AGBL4: variants seen among roughly 807,000 people sequenced by gnomAD.
AGBL4 encodes AGBL carboxypeptidase 4, also known as cytosolic carboxypeptidase 6.
A neutral mutation model predicts 66.4 loss-of-function variants in AGBL4; 58 were observed. That is an observed-to-expected ratio of 0.87 (90% CI 0.71 to 1.09). AGBL4 has a LOEUF of 1.09. Ranked by LOEUF, AGBL4 falls within the 50% of genes least tolerant of loss-of-function variation. The pLI is 0.00. For synonymous variants in AGBL4, 234 were observed against 222.9 expected (o/e 1.05, Z -0.44); for missense variants, 579 against 631.0 (o/e 0.92, Z 0.88).
At chr1:49,823,023 A>G (rs144500929) in intron 2 of AGBL4, among the ~76,000 whole-genome samples, 210 of 152,350 alleles carry the variant, frequency 1.4e-3, no homozygotes, top group Middle Eastern at 6.8e-3. Context: ...GATACAGATG[A>G]TGATGACAGA....
intron 1 of AGBL4, among the ~76,000 whole-genome samples, chr1:49,939,601 G>C (rs527580680): frequency 1.8e-4 from 28 of 152,220 alleles, no homozygotes; most frequent in South Asian, 4.1e-4. Context: ...AAGCAATGGG[G>C]AAAGGATTCC....
chr1:49,646,680 T>C (rs886681642), intron 3 of AGBL4, among the ~76,000 whole-genome samples: 32 of 152,030 alleles, frequency 2.1e-4, no homozygotes, highest in Admixed American at 6.6e-4. Context: ...TATGAGCTGA[T>C]TATAAAATTC....
intron 4 of AGBL4, among the ~76,000 whole-genome samples, chr1:49,051,567 C>T (rs1257422563): frequency 6.6e-6 from 1 of 152,190 alleles, no homozygotes; most frequent in African/African-American, 2.4e-5. Flanking sequence ...TATGCCAACA[C>T]ATGGCCTTTA....
At chr1:48,771,615 CTAAAT>C (rs965117480) in intron 6 of AGBL4, among the ~76,000 whole-genome samples, 6 of 152,160 alleles carry the variant, frequency 3.9e-5, no homozygotes, top group African/African-American at 1.4e-4. Context: ...ATGTCAAAAC[CTAAAT>C]TAAAAGTTTT....
At chr1:48,991,745 T>C (rs1435382450) in intron 5 of AGBL4, among the ~76,000 whole-genome samples, 1 of 152,104 alleles carries the variant, frequency 6.6e-6, no homozygotes, top group African/African-American at 2.4e-5. Context: ...TTCTTTCTTC[T>C]GCTTGATCAA....
chr1:49,142,923 A>G (rs1189053202), intron 4 of AGBL4, among the ~76,000 whole-genome samples: 2 of 152,300 alleles, frequency 1.3e-5, no homozygotes. Flanking sequence ...ACTTGGAGAT[A>G]TTCCAATACT....
At chr1:48,872,993 G>T (rs1648838011) in intron 5 of AGBL4, among the ~76,000 whole-genome samples, 1 of 152,184 alleles carries the variant, frequency 6.6e-6, no homozygotes, top group African/African-American at 2.4e-5. Context: ...GAGCCTTTGG[G>T]CTTCTCACTA....
At chr1:49,533,752 T>C (rs564718785) in intron 3 of AGBL4, among the ~76,000 whole-genome samples, 1 of 152,140 alleles carries the variant, frequency 6.6e-6, no homozygotes, top group Non-Finnish European at 1.5e-5. Flanking sequence ...GAGCCCATAT[T>C]TGCCCGCTTC....
chr1:48,950,822 T>C (rs1464494934), intron 5 of AGBL4, among the ~76,000 whole-genome samples: 2 of 152,158 alleles, frequency 1.3e-5, no homozygotes, highest in Non-Finnish European at 2.9e-5. Context: ...GCTTTTATAT[T>C]GCTTTTTCCC....
chr1:48,762,614 TTGTGTGTG>T (rs58396843), intron 6 of AGBL4, among the ~76,000 whole-genome samples: 93 of 75,182 alleles, frequency 1.2e-3, no homozygotes, highest in East Asian at 3.8e-3. Context: ...TTTAAGGGTT[TTGTGTGTG>T]TGTGTGTGTG....
chr1:48,712,555 T>G (rs949253817), intron 6 of AGBL4, among the ~76,000 whole-genome samples: 1 of 152,052 alleles, frequency 6.6e-6, no homozygotes, highest in African/African-American at 2.4e-5. Flanking sequence ...TTCTGTGTGC[T>G]TTATATATAT....
chr1:49,697,480 A>T, intron 2 of AGBL4, 43 bp from the exon 3 acceptor site: 1 of 1,412,920 alleles, frequency 7.1e-7, no homozygotes, highest in Non-Finnish European at 9.7e-7. Flanking sequence ...ATAGAAGTTC[A>T]TGCAGCTCAA....
At chr1:49,194,841 GTTT>G (rs200420257) in intron 4 of AGBL4, among the ~76,000 whole-genome samples, 1 of 139,782 alleles carries the variant, frequency 7.2e-6, no homozygotes, top group Non-Finnish European at 1.6e-5. Context: ...TCATTGATCT[GTTT>G]TTTTTTTTTT....
intron 3 of AGBL4, among the ~76,000 whole-genome samples, chr1:49,282,847 C>T (rs1486740187): frequency 1.3e-5 from 2 of 152,200 alleles, no homozygotes; most frequent in African/African-American, 2.4e-5. Context: ...AGATTATATC[C>T]CGCACCTGGC....
intron 6 of AGBL4, among the ~76,000 whole-genome samples, chr1:48,781,163 C>T (rs1264211715): frequency 2.0e-5 from 3 of 152,104 alleles, no homozygotes; most frequent in Non-Finnish European, 2.9e-5. Context: ...TTCCATTTTC[C>T]GATAACCCAG....
intron 3 of AGBL4, among the ~76,000 whole-genome samples, chr1:49,382,899 GA>G (rs1644653326): frequency 6.6e-6 from 1 of 152,146 alleles, no homozygotes; most frequent in Non-Finnish European, 1.5e-5. Context: ...CAGCTACTTG[GA>G]AGGCTGATGT....
intron 3 of AGBL4, among the ~76,000 whole-genome samples, chr1:49,655,653 C>A (rs1646111151): frequency 6.6e-6 from 1 of 152,024 alleles, no homozygotes; most frequent in South Asian, 2.1e-4. Flanking sequence ...ATTAGAAAAG[C>A]AAGAGCAAAC....
chr1:49,712,113 C>T (rs1299683411), intron 2 of AGBL4, among the ~76,000 whole-genome samples: 1 of 151,596 alleles, frequency 6.6e-6, no homozygotes, highest in Non-Finnish European at 1.5e-5. Flanking sequence ...AATATAAAAC[C>T]AGGTAGATAT....
At chr1:48,939,128 G>A (rs1215796611) in intron 5 of AGBL4, among the ~76,000 whole-genome samples, 2 of 152,190 alleles carry the variant, frequency 1.3e-5, no homozygotes, top group Admixed American at 1.3e-4. Flanking sequence ...ATCTCTTTAT[G>A]TCTTTTCCCC....
Sources: gnomAD v4.1 joint callset for allele counts (sites outside exome capture counted in the v4.1 genomes callset) on GRCh38, gnomAD v4.1.1 for gene constraint, MANE v1.5 for transcripts, NCBI Gene and HGNC (gene_info 2026-07-23, HGNC 2026-07-21) for gene names.